Variants in LMLN observed in about 807,000 individuals in gnomAD.
LMLN encodes the protein leishmanolysin-like peptidase.
In LMLN, 70 loss-of-function variants were observed where a neutral mutation model predicts 92.3. The ratio of observed to expected loss-of-function variants is 0.76; its 90% CI spans 0.63 to 0.92. LMLN has a LOEUF of 0.92. Ranked by LOEUF, LMLN falls within the 40% of genes least tolerant of loss-of-function variation. The pLI is 0.00. For missense variants in LMLN, 691 were observed against 814.6 expected (o/e 0.85, Z 1.85); for synonymous variants, 308 against 296.2 (o/e 1.04, Z -0.41).
intron 11 of LMLN, among the ~76,000 whole-genome samples, chr3:198,017,733 A>G (rs1722679047): frequency 6.6e-6 from 1 of 152,160 alleles, no homozygotes; most frequent in African/African-American, 2.4e-5. Flanking sequence ...CCTGGCCAAG[A>G]TGATGAAACC....
intron 15 of LMLN, among the ~76,000 whole-genome samples, chr3:198,037,498 A>G (rs1723266636): frequency 1.3e-5 from 2 of 152,204 alleles, no homozygotes; most frequent in South Asian, 4.1e-4. Flanking sequence ...AAAAACACAA[A>G]AATCAGCCAC....
chr3:197,984,200 T>C (rs1452655666), intron 7 of LMLN, 152 bp downstream of exon 7: 8 of 468,366 alleles, frequency 1.7e-5, no homozygotes, highest in Non-Finnish European at 3.0e-5. Flanking sequence ...ATAATAATAA[T>C]AATAAAAAAT....
chr3:197,960,287 A>G, exon 1 of LMLN: 1 of 1,613,656 alleles, frequency 6.2e-7, no homozygotes, highest in South Asian at 1.1e-5. Flanking sequence ...ACTCGGGCTC[A>G]GGCCCGGGCC....
Position 198,042,797 on chromosome 3 carries a change from A to G in LMLN, c.*4130A>G, listed in dbSNP as rs1026312282. On this transcript the variant is annotated 3_prime_UTR_variant, in exon 16 of 16. Coordinates refer to ENST00000330198, the Ensembl canonical transcript of LMLN. The surrounding 1 kb of genome is among the most constrained non-coding windows in gnomAD (Gnocchi z 4.2). ...TCTCAGGTTTTCAGAAACAAAATTT[A>G]CAGGAAGGAAGCAAAAGCCATGTCA... 6.6e-6 allele frequency: 1 copy of G among 152,256 alleles called. No individual in the cohort carries two copies. Among genetic ancestry groups the G allele is most frequent in the Non-Finnish European group, 1.5e-5 (1 of 68,044 alleles). 9.4% of individuals were successfully genotyped at this position (152,256 alleles called of 1,614,324 possible). A position where few individuals can be genotyped will look rare whatever the true frequency, so the allele number is the denominator to read the frequency against.
At chr3:197,967,792 C>A (rs925643214) in intron 1 of LMLN, among the ~76,000 whole-genome samples, 6 of 152,150 alleles carry the variant, frequency 3.9e-5, no homozygotes, top group Non-Finnish European at 7.3e-5. Flanking sequence ...ACAGACACTT[C>A]CAGAGTGGCC....
At chr3:198,013,249 G>A (rs1410955112) in intron 11 of LMLN, among the ~76,000 whole-genome samples, 5 of 101,542 alleles carry the variant, frequency 4.9e-5, no homozygotes, top group Non-Finnish European at 7.2e-5. Context: ...GTACCCTTCA[G>A]AGTCCCCTAA....
chr3:197,980,538 C>T, intron 6 of LMLN, 34 bp downstream of exon 6: 1 of 1,583,754 alleles, frequency 6.3e-7, no homozygotes, highest in Non-Finnish European at 8.6e-7. Context: ...TTTCCAAGAT[C>T]TAATGTGGGA....
At chr3:197,976,808 C>T (rs1721397094) in intron 5 of LMLN, 93 bp downstream of exon 5, 2 of 540,382 alleles carry the variant, frequency 3.7e-6, no homozygotes, top group Non-Finnish European at 6.5e-6. Context: ...AGTTCAAAGG[C>T]TTAGTAGCTT....
intron 6 of LMLN, 110 bp downstream of exon 6, chr3:197,980,614 C>T (rs1581140144): frequency 9.3e-7 from 1 of 1,077,150 alleles, no homozygotes; most frequent in East Asian, 2.4e-5. Flanking sequence ...CAGATTGCCT[C>T]TGGTAGACAG....
intron 11 of LMLN, among the ~76,000 whole-genome samples, chr3:198,018,126 T>C (rs1722689287): frequency 6.6e-6 from 1 of 152,208 alleles, no homozygotes. Flanking sequence ...TTCCTCTTTA[T>C]TCATTTAGCC....
At chr3:198,024,497 G>C (rs1722871871) in intron 13 of LMLN, among the ~76,000 whole-genome samples, 161 bp from the exon 15 acceptor site, 3 of 152,168 alleles carry the variant, frequency 2.0e-5, no homozygotes, top group Non-Finnish European at 4.4e-5. Flanking sequence ...TTACAGGCGT[G>C]AGCCACCGTG....
intron 13 of LMLN, among the ~76,000 whole-genome samples, chr3:198,022,354 CA>C (rs1722805690): frequency 6.6e-6 from 1 of 152,218 alleles, no homozygotes; most frequent in Non-Finnish European, 1.5e-5. Context: ...AATGTTCTCA[CA>C]TCTGATGTAA....
At chr3:198,034,337 C>A (rs1281387364) in intron 14 of LMLN, among the ~76,000 whole-genome samples, 1 of 152,034 alleles carries the variant, frequency 6.6e-6, no homozygotes, top group Non-Finnish European at 1.5e-5. Context: ...TGGCTGGGTG[C>A]GGTGGCTCAC....
At chr3:197,999,238 C>G (rs779438343) in intron 10 of LMLN, 28 bp from the exon 11 acceptor site, 4 of 1,532,490 alleles carry the variant, frequency 2.6e-6, no homozygotes, top group African/African-American at 2.7e-5. Context: ...AGAATCTAGT[C>G]TAATTAAACC....
intron 11 of LMLN, among the ~76,000 whole-genome samples, chr3:198,014,419 C>A (rs1722555977): frequency 8.1e-6 from 1 of 124,006 alleles, no homozygotes; most frequent in Non-Finnish European, 1.7e-5. Flanking sequence ...AGTCTGACTT[C>A]TCTCCACCCT....
chr3:197,998,590 C>G (rs1722090013), intron 10 of LMLN, among the ~76,000 whole-genome samples: 1 of 152,000 alleles, frequency 6.6e-6, no homozygotes, highest in Non-Finnish European at 1.5e-5. Context: ...AGCGTGGTAT[C>G]ACAGTACTTG....
intron 1 of LMLN, among the ~76,000 whole-genome samples, chr3:197,970,260 A>G (rs1473182752): frequency 6.6e-6 from 1 of 152,218 alleles, no homozygotes; most frequent in African/African-American, 2.4e-5. Flanking sequence ...AATTAACAGA[A>G]GAAAAGAAGT....
In LMLN at chr3:198,036,223, C is replaced by T. The variant is rs552759025; in HGVS notation, c.1867+180C>T. 9.9e-5 allele frequency among the ~76,000 whole-genome samples: 15 copies of T among 152,264 alleles called. No individual in the cohort carries two copies. The East Asian group carries it at 2.7e-3, about 27-fold the overall frequency. ...TTATCGGAAATCTAAGGTAGGTCAA[C>T]TTGACACTTTTGAGTAAGAGCAAGG... On this transcript the variant is annotated intron_variant, in intron 15 of 15. Transcript: ENST00000330198.
In LMLN at chr3:198,019,411, C is replaced by G; in HGVS notation, c.1365+26C>G. On this transcript the variant is annotated intron_variant, in intron 12 of 15. Transcript: ENST00000330198. The surrounding 1 kb of genome is among the most constrained non-coding windows in gnomAD (Gnocchi z 5.5). ...GTAGAACAGGGCTGGGGCACAGTTT[C>G]AGGAATCAGCTTTTCAAAAGTAGTC... 1 of 1,576,220 alleles carries G rather than the reference C, an allele frequency of 6.3e-7. No individual in the cohort carries two copies. Among genetic ancestry groups the G allele is most frequent in the Non-Finnish European group, 8.6e-7 (1 of 1,166,012 alleles).
Sources: gnomAD v4.1 joint callset for allele counts (sites outside exome capture counted in the v4.1 genomes callset) on GRCh38, gnomAD v4.1.1 for gene constraint, Gnocchi (gnomAD v3.1) non-coding constraint, MANE v1.5 for transcripts, NCBI Gene and HGNC (gene_info 2026-07-23, HGNC 2026-07-21) for gene names.